The following ST8SIA4 variants were observed in gnomAD, a reference collection of about 807,000 sequenced individuals.
ST8SIA4 encodes CMP-N-acetylneuraminate-poly-alpha-2,8-sialyltransferase.
ST8SIA4 carries 15 observed loss-of-function variants against 33.9 expected under a neutral mutation model. That is an observed-to-expected ratio of 0.44 (90% CI 0.30 to 0.68). The LOEUF (loss-of-function observed/expected upper bound fraction) is 0.68. Ranked by LOEUF, ST8SIA4 falls within the 30% of genes least tolerant of loss-of-function variation. The pLI, the probability that ST8SIA4 is intolerant of heterozygous loss-of-function variation, is 0.10. For synonymous variants in ST8SIA4, 171 were observed against 151.2 expected (o/e 1.13, Z -0.96); for missense variants, 321 against 428.0 (o/e 0.75, Z 2.21).
At chr5:100,866,578 TCACACACACACACA>T (rs141002831) in intron 3 of ST8SIA4, among the ~76,000 whole-genome samples, 120 of 146,406 alleles carry the variant, frequency 8.2e-4, no homozygotes, top group Admixed American at 1.8e-3. Context: ...CTTCTAAATT[TCACACACACACACA>T]CACACACACA....
At chr5:100,901,184 C>T (rs959252482) in intron 1 of ST8SIA4, among the ~76,000 whole-genome samples, 1 of 152,190 alleles carries the variant, frequency 6.6e-6, no homozygotes, top group Admixed American at 6.5e-5. Context: ...TTTTCCTGGC[C>T]ACGGTTTAGG....
intron 2 of ST8SIA4, 30 bp from the exon 3 acceptor site, chr5:100,886,630 A>G (rs1395177576): frequency 1.3e-6 from 2 of 1,566,386 alleles, no homozygotes; most frequent in East Asian, 2.2e-5. Flanking sequence ...AAAGTTTTAC[A>G]TTACCATCAG....
rs532224921 is a variant in ST8SIA4 at position 100,877,677 on chromosome 5, T to A, written c.503+8666A>T. ...TCAAAACAGAAAATAGATATCATCC[T>A]AAGGGAAAACGTAGTACCAGAAGAA... On this transcript the variant is annotated intron_variant, in intron 3 of 4. Coordinates refer to ENST00000231461, the MANE Select transcript of ST8SIA4 (RefSeq NM_005668.6). Among the ~76,000 whole-genome samples the A allele has an allele frequency of 1.3e-4, 20 of 152,312 alleles. No individual in the cohort carries two copies. In the South Asian group the frequency reaches 3.3e-3, roughly 25 times the overall value.
chr5:100,850,783 G>GTA (rs768091551), intron 4 of ST8SIA4, among the ~76,000 whole-genome samples: 8,717 of 123,634 alleles, frequency 0.071, 622 homozygotes, highest in African/African-American at 0.19. Flanking sequence ...GTGTAGATGT[G>GTA]TATATATATA....
At chr5:100,836,314 A>G (rs75752807) in intron 4 of ST8SIA4, among the ~76,000 whole-genome samples, 3,663 of 152,158 alleles carry the variant, frequency 0.024, 150 homozygotes, top group Admixed American at 0.11. Flanking sequence ...AGCTAGTAAA[A>G]TGTGGAACTG....
At position 100,902,881 on chromosome 5, in the gene ST8SIA4, T is replaced by A. The variant is rs1752952248; in HGVS notation, c.75A>T (p.Ile25=). The A allele has an allele frequency of 6.2e-7, 1 of 1,614,228 alleles. No individual in the cohort carries two copies. Among genetic ancestry groups the A allele is most frequent in the Non-Finnish European group, 8.5e-7 (1 of 1,180,032 alleles). ...TCTCCTGGTGCTCCTCAGTTCTTGC[T>A]ATTTCTTTTGTCTTATAAAAGATCA... ...LLLIFYKTKE[I]ARTEEHQETQ... Residue 25 remains isoleucine (I), a synonymous_variant, in exon 1 of 5, where the codon ATA becomes ATT. Transcript: ENST00000231461.
chr5:100,853,476 A>C (rs1278071357), intron 4 of ST8SIA4, among the ~76,000 whole-genome samples: 1 of 152,210 alleles, frequency 6.6e-6, no homozygotes, highest in Non-Finnish European at 1.5e-5. Flanking sequence ...GAGAGAAGTT[A>C]TTTCTACAGA....
At chr5:100,840,293 T>C (rs1274551729) in intron 4 of ST8SIA4, among the ~76,000 whole-genome samples, 2 of 151,826 alleles carry the variant, frequency 1.3e-5, no homozygotes, top group Non-Finnish European at 2.9e-5. Context: ...TACATACAGT[T>C]GTTTGATGAA....
At chr5:100,843,728 C>A (rs1241406713) in intron 4 of ST8SIA4, among the ~76,000 whole-genome samples, 2 of 151,806 alleles carry the variant, frequency 1.3e-5, no homozygotes, top group Non-Finnish European at 2.9e-5. Flanking sequence ...GCAATGTATG[C>A]GTTATCATGA....
At position 100,811,607 on chromosome 5, in the gene ST8SIA4, A is replaced by G; in HGVS notation, c.*240T>C. On this transcript the variant is annotated 3_prime_UTR_variant, in exon 5 of 5. Transcript: ENST00000231461. Reference sequence around the variant, plus strand: ...ATCTTGTAAACACTACTGATTATACATTCAAACTGTATTCTTAGTGGAAGT... The same window carrying G: ...ATCTTGTAAACACTACTGATTATACGTTCAAACTGTATTCTTAGTGGAAGT... 2.2e-6 allele frequency: 1 copy of G among 457,850 alleles called. No homozygotes were observed. Among genetic ancestry groups the G allele is most frequent in the South Asian group, 2.4e-5 (1 of 42,236 alleles). 28.4% of individuals were successfully genotyped at this position (457,850 alleles called of 1,614,324 possible).
intron 3 of ST8SIA4, among the ~76,000 whole-genome samples, chr5:100,865,278 C>T (rs1377395828): frequency 6.6e-6 from 1 of 152,138 alleles, no homozygotes; most frequent in Non-Finnish European, 1.5e-5. Flanking sequence ...GGGCCCCTTT[C>T]TACATTTTTA....
At chr5:100,853,971 G>T (rs986217963) in intron 4 of ST8SIA4, among the ~76,000 whole-genome samples, 4 of 55,326 alleles carry the variant, frequency 7.2e-5, no homozygotes, top group Admixed American at 3.3e-4. Flanking sequence ...ACTGGAATGT[G>T]TTTGTGTGTG....
At chr5:100,869,639 C>T (rs973978512) in intron 3 of ST8SIA4, among the ~76,000 whole-genome samples, 7 of 152,076 alleles carry the variant, frequency 4.6e-5, no homozygotes, top group Non-Finnish European at 1.0e-4. Context: ...CTGTTTATAA[C>T]AATAACAACA....
At chr5:100,856,426 G>GA (rs201066345) in intron 3 of ST8SIA4, 30 bp from the exon 4 acceptor site, 1,015 of 1,520,874 alleles carry the variant, frequency 6.7e-4, no homozygotes, top group East Asian at 3.6e-3. Flanking sequence ...TGGGACAAAT[G>GA]AAAAAAAAAG....
chr5:100,897,995 ATTTCAGGTGCAAAC>A lies in ST8SIA4; in HGVS notation c.114-2224_114-2211del, dbSNP rs1752817338. Among the ~76,000 whole-genome samples, 3 of 152,206 alleles carry A rather than the reference ATTTCAGGTGCAAAC, an allele frequency of 2.0e-5. No individual in the cohort carries two copies. In the South Asian group the frequency reaches 6.2e-4, roughly 31 times the overall value. On this transcript the variant is annotated intron_variant, in intron 1 of 4. Transcript: ENST00000231461. ...ACACTTTGGGAGATATGACTACATG[ATTTCAGGTGCAAAC>A]TATCACTATTTCTGTGGATAAGGTA... is the stretch of plus-strand genomic sequence containing the variant.
At chr5:100,819,727 G>C (rs1750999871) in intron 4 of ST8SIA4, among the ~76,000 whole-genome samples, 1 of 152,196 alleles carries the variant, frequency 6.6e-6, no homozygotes, top group South Asian at 2.1e-4. Flanking sequence ...TTCCATTTGT[G>C]AAGAGAGAAA....
At chr5:100,864,584 A>G (rs866718141) in intron 3 of ST8SIA4, among the ~76,000 whole-genome samples, 18 of 82,642 alleles carry the variant, frequency 2.2e-4, no homozygotes, top group Non-Finnish European at 3.5e-4. Flanking sequence ...CAAAAAAAAA[A>G]AAAAAAAAAA....
intron 1 of ST8SIA4, chr5:100,900,359 C>A (rs1752876945): frequency 2.2e-6 from 1 of 454,074 alleles, no homozygotes; most frequent in Admixed American, 2.4e-5. Flanking sequence ...ACCTCCATTC[C>A]AGTTTACTCA....
chr5:100,859,667 C>T lies in ST8SIA4; in HGVS notation c.504-3271G>A, dbSNP rs554308716. On this transcript the variant is annotated intron_variant, in intron 3 of 4. Transcript: ENST00000231461. Reference sequence around the variant, plus strand: ...CACTGCATATGATGGCTTCTCATCCCTACATGCAAAATTGAAGGTACTTTC... The same window carrying T: ...CACTGCATATGATGGCTTCTCATCCTTACATGCAAAATTGAAGGTACTTTC... Among the ~76,000 whole-genome samples, 18 of 152,144 alleles carry T rather than the reference C, an allele frequency of 1.2e-4. No homozygotes were observed. The South Asian group carries it at 3.7e-3, about 32-fold the overall frequency.
Sources: gnomAD v4.1 joint callset for allele counts (sites outside exome capture counted in the v4.1 genomes callset) on GRCh38, gnomAD v4.1.1 for gene constraint, MANE v1.5 for transcripts, NCBI Gene and HGNC (gene_info 2026-07-23, HGNC 2026-07-21) for gene names.